TTC39B: variants seen among roughly 807,000 people sequenced by gnomAD.
TTC39B encodes tetratricopeptide repeat domain 39B, also known as tetratricopeptide repeat protein 39B.
TTC39B carries 92 observed loss-of-function variants against 96.6 expected under a neutral mutation model. The ratio of observed to expected loss-of-function variants is 0.95; its 90% CI spans 0.80 to 1.13. The LOEUF (loss-of-function observed/expected upper bound fraction) is 1.13, where lower values mean the gene tolerates loss of function less well. Ranked by LOEUF, TTC39B falls within the 50% of genes most tolerant of loss-of-function variation. The pLI is 0.00. For synonymous variants in TTC39B, 367 were observed against 299.4 expected, an observed-to-expected ratio of 1.23 and a Z score of -2.33; for missense variants, 955 against 809.3, an observed-to-expected ratio of 1.18 and a Z score of -2.18.
In TTC39B at chr9:15,284,456, T is replaced by A. The variant is rs903902919; in HGVS notation, c.241-16508A>T. Among the ~76,000 whole-genome samples the A allele has an allele frequency of 3.3e-5, 5 of 152,172 alleles. 1 individual carries two copies. Among genetic ancestry groups the A allele is most frequent in the Non-Finnish European group, 7.3e-5 (5 of 68,030 alleles). ...GATACACACTGTGCTGCGAAAGAAA[T>A]TAGAATTAGACCCAAATGATCTTCA... On this transcript the variant is annotated intron_variant, in intron 1 of 19. Transcript: ENST00000512701.
intron 16 of TTC39B, among the ~76,000 whole-genome samples, chr9:15,184,949 T>A (rs977769696): frequency 2.6e-5 from 4 of 152,226 alleles, no homozygotes; most frequent in African/African-American, 9.6e-5. Context: ...GCATTAGAAT[T>A]CAACTCAACT....
rs369032856 is a variant in TTC39B at position 15,211,275 on chromosome 9, G to A, written c.605C>T (p.Thr202Ile). 8 of 1,555,382 alleles carry A rather than the reference G, an allele frequency of 5.1e-6. No homozygotes were observed. In the African/African-American group the frequency reaches 9.7e-5, roughly 19 times the overall value. The stretch of plus-strand genomic sequence containing the variant: ...TAATGACTCGTCATACTTTTGGCAG[G>A]TTTGTAAAGCGTCCTTCATGGCAGA... Residue 202 changes from threonine (T) to isoleucine (I), a missense_variant, in exon 5 of 20, where the codon ACC becomes ATC. Coordinates refer to ENST00000512701, the Ensembl canonical transcript of TTC39B.
exon 20 of TTC39B, chr9:15,166,768 G>T (rs1385195477): frequency 6.6e-6 from 1 of 151,308 alleles, no homozygotes; most frequent in African/African-American, 2.4e-5. Context: ...AAGAAATCCT[G>T]CATTTCTTTG....
exon 20 of TTC39B, chr9:15,169,773 TAAC>T (rs746227612): frequency 3.9e-5 from 6 of 152,126 alleles, no homozygotes; most frequent in African/African-American, 7.2e-5. Flanking sequence ...AAAATATAAA[TAAC>T]AAAAAAGATT....
chr9:15,257,013 T>A (rs757149709), intron 2 of TTC39B, among the ~76,000 whole-genome samples: 22 of 152,184 alleles, frequency 1.4e-4, no homozygotes, highest in Admixed American at 5.9e-4. Context: ...ACAAACATAC[T>A]GTTAAAAAAA....
intron 2 of TTC39B, among the ~76,000 whole-genome samples, chr9:15,229,996 C>T (rs1821335559): frequency 6.6e-6 from 1 of 152,186 alleles, no homozygotes; most frequent in African/African-American, 2.4e-5. Flanking sequence ...AACATTGCAT[C>T]TTCACATCTT....
At chr9:15,183,382 T>G in intron 16 of TTC39B, 1 of 432,048 alleles carries the variant, frequency 2.3e-6, no homozygotes, top group South Asian at 1.7e-5. Flanking sequence ...TTCCTTTTAT[T>G]GATAAAATCT....
At chr9:15,267,862 G>T in intron 2 of TTC39B, 52 bp downstream of exon 2, 1 of 1,489,068 alleles carries the variant, frequency 6.7e-7, no homozygotes. Context: ...TTTTATGTAA[G>T]ACAACCATCA....
intron 2 of TTC39B, among the ~76,000 whole-genome samples, 170 bp downstream of exon 2, chr9:15,267,744 T>A (rs1823187775): frequency 6.6e-6 from 1 of 152,190 alleles, no homozygotes; most frequent in African/African-American, 2.4e-5. Flanking sequence ...ATTAGATAGA[T>A]CCTTTCTTAA....
chr9:15,166,997 TATATATATATATATATATATA>T (rs1817533159), exon 20 of TTC39B: 7 of 5,560 alleles, frequency 1.3e-3, no homozygotes, highest in African/African-American at 3.9e-3. Context: ...TATATATATA[TATATATATATATATATATATA>T]TATATATATA....
chr9:15,165,727 G>A (rs758371030), exon 20 of TTC39B: 4 of 152,074 alleles, frequency 2.6e-5, no homozygotes, highest in Admixed American at 6.5e-5. Context: ...ATCAAATCTC[G>A]TGAGAACTCA....
At chr9:15,190,788 A>G (rs1367886274) in intron 10 of TTC39B, 126 bp from the exon 11 acceptor site, 10 of 776,524 alleles carry the variant, frequency 1.3e-5, no homozygotes, top group Non-Finnish European at 2.1e-5. Flanking sequence ...GCTGTGGTGA[A>G]GTCTGGGCTT....
exon 20 of TTC39B, chr9:15,164,563 A>G (rs1336185989): frequency 6.6e-6 from 1 of 152,210 alleles, no homozygotes; most frequent in African/African-American, 2.4e-5. Flanking sequence ...AATAAATTTC[A>G]GTAATAAAAA....
At chr9:15,182,467 C>A (rs1268810577) in intron 16 of TTC39B, 52 bp from the exon 17 acceptor site, 2 of 1,200,548 alleles carry the variant, frequency 1.7e-6, no homozygotes, top group South Asian at 1.4e-5. Context: ...TATTCAATGT[C>A]CTTTATGATC....
intron 1 of TTC39B, among the ~76,000 whole-genome samples, chr9:15,283,036 C>A (rs145277193): frequency 6.6e-6 from 1 of 152,142 alleles, no homozygotes; most frequent in African/African-American, 2.4e-5. Context: ...ATTTGTTTCA[C>A]GTCTGCCCTC....
intron 16 of TTC39B, among the ~76,000 whole-genome samples, chr9:15,184,538 G>C (rs1229199488): frequency 6.6e-6 from 1 of 152,082 alleles, no homozygotes. Flanking sequence ...AAGAGTCATA[G>C]TAACTTGATA....
chr9:15,230,288 A>G (rs1274131758), intron 2 of TTC39B, among the ~76,000 whole-genome samples: 1 of 152,084 alleles, frequency 6.6e-6, no homozygotes, highest in African/African-American at 2.4e-5. Flanking sequence ...TTTACAATCA[A>G]TGGTTTTTAG....
chr9:15,297,332 C>G (rs745708390), intron 1 of TTC39B, among the ~76,000 whole-genome samples: 2 of 152,218 alleles, frequency 1.3e-5, no homozygotes, highest in African/African-American at 2.4e-5. Flanking sequence ...TCATCAGTTT[C>G]AACTCCTTCG....
In TTC39B at chr9:15,262,082, TTTTTA is replaced by T. The variant is rs1257365659; in HGVS notation, c.275+5827_275+5831del. On this transcript the variant is annotated intron_variant, in intron 2 of 19. Transcript: ENST00000512701. ...GTTCACAGACTATTTTAATTTTTATTTTTTATTTTATTTATTTTATTATTATTATT... is the reference window on the plus strand; with the variant it reads ...GTTCACAGACTATTTTAATTTTTATTTTTTATTTATTTTATTATTATTATT... Among the ~76,000 whole-genome samples, 9 of 152,132 alleles carry T rather than the reference TTTTTA, an allele frequency of 5.9e-5. No homozygotes were observed. In the South Asian group the frequency reaches 1.9e-3, roughly 32 times the overall value.
Sources: gnomAD v4.1 joint callset for allele counts (sites outside exome capture counted in the v4.1 genomes callset) on GRCh38, gnomAD v4.1.1 for gene constraint, MANE v1.5 for transcripts, NCBI Gene and HGNC (gene_info 2026-07-23, HGNC 2026-07-21) for gene names.